HAS3: variants seen among roughly 807,000 people sequenced by gnomAD.
HAS3 encodes the protein hyaluronan synthase 3.
A neutral mutation model predicts 50.3 loss-of-function variants in HAS3; 27 were observed. That is an observed-to-expected ratio of 0.54 (90% CI 0.40 to 0.74). The LOEUF (loss-of-function observed/expected upper bound fraction) is 0.74. Among genes scored for constraint, HAS3 ranks in the 30% least tolerant of loss-of-function variants. The pLI, the probability that HAS3 is intolerant of heterozygous loss-of-function variation, is 0.00. For synonymous variants in HAS3, 339 were observed against 310.9 expected (o/e 1.09, Z -0.95); for missense variants, 517 against 742.8 (o/e 0.70, Z 3.53).
chr16:69,107,940 A>G lies in HAS3; in HGVS notation c.1-1456A>G, dbSNP rs1395053951. Among the ~76,000 whole-genome samples the G allele has an allele frequency of 1.3e-5, 2 of 152,220 alleles. No individual in the cohort carries two copies. Among genetic ancestry groups the G allele is most frequent in the Admixed American group, 6.5e-5 (1 of 15,290 alleles). On this transcript the variant is annotated intron_variant, in intron 1 of 3. Coordinates refer to ENST00000569188, the MANE Select transcript of HAS3 (RefSeq NM_001199280.2). The surrounding 1 kb of genome is among the most constrained non-coding windows in gnomAD (Gnocchi z 5.5). ...GGAAGGCTGCTAGTGCCGGAGTCTC[A>G]GGTCGATTTAGGCAGTGACTGCGTG...
chr16:69,111,695 G>C (rs1961007617), intron 2 of HAS3, among the ~76,000 whole-genome samples: 1 of 152,170 alleles, frequency 6.6e-6, no homozygotes, highest in Non-Finnish European at 1.5e-5. Context: ...GTCATGGAGG[G>C]AGTTAGGAGA....
intron 3 of HAS3, among the ~76,000 whole-genome samples, 187 bp downstream of exon 3, chr16:69,113,729 CAT>C (rs1382803614): frequency 6.6e-6 from 1 of 152,282 alleles, no homozygotes; most frequent in East Asian, 1.9e-4. Context: ...TCTTCTTCCA[CAT>C]GAGGGGAAGT....
At position 69,109,573 on chromosome 16, in the gene HAS3, A is replaced by C; in HGVS notation, c.178A>C (p.Ser60Arg). 3 of 1,613,504 alleles carry C rather than the reference A, an allele frequency of 1.9e-6. No individual in the cohort carries two copies. Among genetic ancestry groups the C allele is most frequent in the Non-Finnish European group, 2.5e-6 (3 of 1,180,002 alleles). Residue 60 changes from serine to arginine, a missense_variant, in exon 2 of 4, where the codon AGC (serine) becomes CGC (arginine). Transcript: ENST00000569188. This position sits in a 1 kb window ranked among gnomAD's most constrained non-coding sequence, Gnocchi z 5.3. ...AILGLHLLIQSLFAFLEHRRM... is the reference protein window; with the variant it reads ...AILGLHLLIQRLFAFLEHRRM... The stretch of plus-strand genomic sequence containing the variant: ...CCTGGGCCTGCACCTGCTCATTCAG[A>C]GCCTTTTTGCCTTCCTGGAGCACCG...
chr16:69,117,590 T>TTTTAA lies in HAS3; in HGVS notation c.*2326_*2327insTAATT. On this transcript the variant is annotated 3_prime_UTR_variant, in exon 4 of 4. Transcript: ENST00000569188. ...ATTTTTACCTGCTTTTTTTTTTTTT[T>TTTTAA]TTAATTTTCAGGTCAAGTTTTTTAT... The TTTTAA allele has an allele frequency of 2.7e-6, 2 of 729,454 alleles. No individual in the cohort carries two copies. The highest frequency in any genetic ancestry group is 3.3e-6 in the Non-Finnish European group (2 of 602,562). The allele number at this position is 729,454 out of a possible 1,614,324, so 45.2% of individuals were successfully genotyped here. A position where few individuals can be genotyped will look rare whatever the true frequency, so the allele number is the denominator to read the frequency against.
upstream of HAS3, among the ~76,000 whole-genome samples, chr16:69,103,080 TAGG>T (rs954202831): frequency 7.3e-5 from 11 of 150,798 alleles, no homozygotes; most frequent in Admixed American, 2.7e-4. Flanking sequence ...TTAAAAAAAT[TAGG>T]AGATTTCACA....
In HAS3 at chr16:69,113,425, C is replaced by T. The variant is rs368747572; in HGVS notation, c.637-16C>T. On this transcript the variant is annotated splice_polypyrimidine_tract_variant and intron_variant, in intron 2 of 3. Coordinates refer to ENST00000569188, the MANE Select transcript of HAS3 (RefSeq NM_001199280.2). ...GTCTGAGGTCAGAATGGGCTGACGA[C>T]GCACTCCCTCTGCAGGTGTGCGACT... 4.7e-5 allele frequency: 75 copies of T among 1,581,756 alleles called. No homozygotes were observed. The East Asian group carries it at 8.9e-4, about 19-fold the overall frequency.
Position 69,117,156 on chromosome 16 carries a change from G to A in HAS3, c.*1890G>A, listed in dbSNP as rs1445564582. 2 of 985,796 alleles carry A rather than the reference G, an allele frequency of 2.0e-6. No homozygotes were observed. The highest frequency in any genetic ancestry group is 2.4e-6 in the Non-Finnish European group (2 of 829,960). 61.1% of individuals were successfully genotyped at this position (985,796 alleles called of 1,614,324 possible). A position where few individuals can be genotyped will look rare whatever the true frequency, so the allele number is the denominator to read the frequency against. Reference sequence around the variant, plus strand: ...TCCAGGCAATCGTTCTGCTGGCCAAGAAGTTAAACTATTTTGAGCATTAGA... The same window carrying A: ...TCCAGGCAATCGTTCTGCTGGCCAAAAAGTTAAACTATTTTGAGCATTAGA... On this transcript the variant is annotated 3_prime_UTR_variant, in exon 4 of 4. Coordinates refer to ENST00000569188, the MANE Select transcript of HAS3 (RefSeq NM_001199280.2).
In HAS3 at chr16:69,114,670, C is replaced by T. The variant is rs930891636; in HGVS notation, c.1066C>T (p.Arg356Cys). 1.2e-6 allele frequency: 2 copies of T among 1,614,092 alleles called. 1 individual carries two copies. Among genetic ancestry groups the T allele is most frequent in the Non-Finnish European group, 1.7e-6 (2 of 1,180,022 alleles). ...CCTCCGGTGGCTCAACCAGCAAACCCGCTGGAGCAAGTCTTACTTCCGGGA... is the reference window on the plus strand; with the variant it reads ...CCTCCGGTGGCTCAACCAGCAAACCTGCTGGAGCAAGTCTTACTTCCGGGA... ...KYLRWLNQQT[R>C]WSKSYFREWL... is the part of the protein sequence containing the mutation. The change falls in exon 4 of 4, where the codon CGC (arginine) becomes TGC (cysteine). Residue 356 changes from arginine to cysteine, a missense_variant. By Grantham distance (180) the Arg-to-Cys change is radical. Transcript: ENST00000569188. This position sits in a 1 kb window ranked among gnomAD's most constrained non-coding sequence, Gnocchi z 6.4.
the HAS3 span, among the ~76,000 whole-genome samples, chr16:69,085,904 T>C: frequency 6.6e-6 from 1 of 151,936 alleles, no homozygotes; most frequent in Non-Finnish European, 1.5e-5. Flanking sequence ...TTTTGCTCTG[T>C]TGCCCAAGCT....
At position 69,114,201 on chromosome 16, in the gene HAS3, G is replaced by C; in HGVS notation, c.739-142G>C. Reference sequence around the variant, plus strand: ...GTGTGGTTGGCTCCTCTGAGCCTCAGGTTTCCCAGCTCCAAAGGAACCGAT... The same window carrying C: ...GTGTGGTTGGCTCCTCTGAGCCTCACGTTTCCCAGCTCCAAAGGAACCGAT... On this transcript the variant is annotated intron_variant, in intron 3 of 3. Transcript: ENST00000569188. This position sits in a 1 kb window ranked among gnomAD's most constrained non-coding sequence, Gnocchi z 6.4. 1 of 1,304,216 alleles carries C rather than the reference G, an allele frequency of 7.7e-7. No homozygotes were observed. Among genetic ancestry groups the C allele is most frequent in the Admixed American group, 2.5e-5 (1 of 39,622 alleles). 80.8% of individuals were successfully genotyped at this position (1,304,216 alleles called of 1,614,324 possible).
At position 69,109,586 on chromosome 16, in the gene HAS3, T is replaced by G. The variant is rs896806425; in HGVS notation, c.191T>G (p.Phe64Cys). The change falls in exon 2 of 4, where the codon TTC (phenylalanine) becomes TGC (cysteine). Residue 64 changes from phenylalanine to cysteine, a missense_variant. Coordinates refer to ENST00000569188, the MANE Select transcript of HAS3 (RefSeq NM_001199280.2). This position sits in a 1 kb window ranked among gnomAD's most constrained non-coding sequence, Gnocchi z 5.3. ...LHLLIQSLFA[F>C]LEHRRMRRAG... is the part of the protein sequence containing the mutation. Reference sequence around the variant, plus strand: ...CTGCTCATTCAGAGCCTTTTTGCCTTCCTGGAGCACCGGCGCATGCGACGT... The same window carrying G: ...CTGCTCATTCAGAGCCTTTTTGCCTGCCTGGAGCACCGGCGCATGCGACGT... The G allele has an allele frequency of 3.7e-6, 6 of 1,613,242 alleles. No homozygotes were observed. The highest frequency in any genetic ancestry group is 5.1e-6 in the Non-Finnish European group (6 of 1,179,996).
chr16:69,095,204 T>C, the HAS3 span, among the ~76,000 whole-genome samples: 491 of 152,214 alleles, frequency 3.2e-3, 4 homozygotes, highest in African/African-American at 0.011. Context: ...AGGCTGGTCT[T>C]GAACTCCTGG....
At chr16:69,086,622 C>T in the HAS3 span, among the ~76,000 whole-genome samples, 23 of 151,480 alleles carry the variant, frequency 1.5e-4, no homozygotes, top group Admixed American at 1.4e-3. Flanking sequence ...AGCACAAAAA[C>T]GGCCGGGCAC....
chr16:69,114,322 A>G lies in HAS3; in HGVS notation c.739-21A>G. 1 of 1,569,084 alleles carries G rather than the reference A, an allele frequency of 6.4e-7. No individual in the cohort carries two copies. Among genetic ancestry groups the G allele is most frequent in the African/African-American group, 1.3e-5 (1 of 74,374 alleles). ...CCGGACGTGCAACCTTAGGAGGCCC[A>G]GCATCTCTATTCCCTTGCAGATCCT... On this transcript the variant is annotated intron_variant, in intron 3 of 3. Transcript: ENST00000569188. This position sits in a 1 kb window ranked among gnomAD's most constrained non-coding sequence, Gnocchi z 6.4.
chr16:69,106,723 G>T lies in HAS3; in HGVS notation c.-1+936G>T, dbSNP rs2152254397. 1 of 152,320 alleles carries T rather than the reference G, an allele frequency of 6.6e-6. No homozygotes were observed. The highest frequency in any genetic ancestry group is 1.9e-4 in the East Asian group (1 of 5,150). 9.4% of individuals were successfully genotyped at this position (152,320 alleles called of 1,614,324 possible). ...ACCTGTCCGGGCACCAAGGTACCAG[G>T]CGCCCACGTTCCTGCGGGTTAGCCG... On this transcript the variant is annotated intron_variant, in intron 1 of 3. Coordinates refer to ENST00000569188, the MANE Select transcript of HAS3 (RefSeq NM_001199280.2). This position sits in a 1 kb window ranked among gnomAD's most constrained non-coding sequence, Gnocchi z 5.5.
At chr16:69,117,855 G>C (rs1452495636), downstream of HAS3, among the ~76,000 whole-genome samples, 1 of 152,034 alleles carries the variant, frequency 6.6e-6, no homozygotes, top group Non-Finnish European at 1.5e-5. Flanking sequence ...CAGATGAATG[G>C]GCCCTTGCTA....
chr16:69,108,441 T>C (rs912397698), intron 1 of HAS3, among the ~76,000 whole-genome samples: 15 of 152,166 alleles, frequency 9.9e-5, no homozygotes, highest in Admixed American at 6.5e-4. Context: ...TCCTGGGCTG[T>C]TATAAAATAC....
At chr16:69,083,695 G>A in the HAS3 span, 1 of 1,543,204 alleles carries the variant, frequency 6.5e-7, no homozygotes. Flanking sequence ...AGGCAGGCAG[G>A]GCCAGGCACC....
At chr16:69,088,061 G>A in the HAS3 span, among the ~76,000 whole-genome samples, 2 of 152,010 alleles carry the variant, frequency 1.3e-5, no homozygotes, top group African/African-American at 2.4e-5. Flanking sequence ...GGCTCTGCCT[G>A]CTCATCCACA....
Sources: allele counts gnomAD v4.1 joint callset (sites outside exome capture counted in the v4.1 genomes callset), GRCh38; gene constraint gnomAD v4.1.1; non-coding constraint Gnocchi (gnomAD v3.1); transcripts MANE v1.5; gene names NCBI Gene and HGNC (gene_info 2026-07-23, HGNC 2026-07-21).